KDM8: variants seen among roughly 807,000 people sequenced by gnomAD.
KDM8 encodes lysine demethylase 8.
A neutral mutation model predicts 46.9 loss-of-function variants in KDM8; 35 were observed. The observed-to-expected ratio is 0.75, with a 90% confidence interval of 0.57 to 0.99. KDM8 has a LOEUF of 0.99. Ranked by LOEUF, KDM8 falls within the 50% of genes least tolerant of loss-of-function variation. KDM8 has a pLI of 0.00. For synonymous variants in KDM8, 232 were observed against 227.7 expected (o/e 1.02, Z -0.17); for missense variants, 475 against 537.0 (o/e 0.88, Z 1.14).
chr16:27,221,033 G>A lies in KDM8; in HGVS notation c.*303G>A, dbSNP rs147169297. 1,504 of 434,756 alleles carry A rather than the reference G, an allele frequency of 3.5e-3. 4 individuals carry two copies. Among genetic ancestry groups the A allele is most frequent in the Middle Eastern group, 7.1e-3 (10 of 1,416 alleles). 26.9% of individuals were successfully genotyped at this position (434,756 alleles called of 1,614,324 possible). On this transcript the variant is annotated 3_prime_UTR_variant, in exon 8 of 8. Coordinates refer to ENST00000286096, the MANE Select transcript of KDM8 (RefSeq NM_024773.3). Reference sequence around the variant, plus strand: ...TGGCATCAGAAAGCCGAATGTTTTTGGGAAACGGGTGGGTCACACAGGCAG... The same window carrying A: ...TGGCATCAGAAAGCCGAATGTTTTTAGGAAACGGGTGGGTCACACAGGCAG...
intron 1 of KDM8, among the ~76,000 whole-genome samples, chr16:27,205,043 T>G (rs2083414379): frequency 6.6e-6 from 1 of 151,798 alleles, no homozygotes; most frequent in Non-Finnish European, 1.5e-5. Flanking sequence ...ATAATAAAAA[T>G]AATTTGAGAG....
At position 27,210,429 on chromosome 16, in the gene KDM8, A is replaced by G; in HGVS notation, c.306A>G (p.Lys102=). The G allele has an allele frequency of 6.2e-7, 1 of 1,605,770 alleles. No homozygotes were observed. Among genetic ancestry groups the G allele is most frequent in the South Asian group, 1.1e-5 (1 of 90,772 alleles). ...RRVYAIGCLL[K]ALCLCQAPED... Reference sequence around the variant, plus strand: ...TCTACGCCATCGGCTGCCTCCTGAAAGCCCTGTGTCTGTGCCAGGCACCTG... The same window carrying G: ...TCTACGCCATCGGCTGCCTCCTGAAGGCCCTGTGTCTGTGCCAGGCACCTG... Residue 102 remains lysine (K), a synonymous_variant, in exon 2 of 8, where the codon AAA becomes AAG. Transcript: ENST00000286096.
At chr16:27,218,553 C>T (rs970971707) in intron 5 of KDM8, among the ~76,000 whole-genome samples, 10 of 152,146 alleles carry the variant, frequency 6.6e-5, no homozygotes, top group South Asian at 4.1e-4. Context: ...AAAACTAGGA[C>T]GGCAAGGGCC....
chr16:27,210,483 G>A lies in KDM8; in HGVS notation c.360G>A (p.Leu120=), dbSNP rs755032737. 2.5e-6 allele frequency: 4 copies of A among 1,580,144 alleles called. No homozygotes were observed. The highest frequency in any genetic ancestry group is 2.6e-6 in the Non-Finnish European group (3 of 1,159,036). ...ATGCCAACACTGTGGCCGCAGCCCT[G>A]CGGGTCTGTGACATGGGCCTGCTGA... ...PEDANTVAAA[L]RVCDMGLLMG... is the part of the protein sequence containing the mutation. Residue 120 remains leucine (L), a synonymous_variant, in exon 2 of 8, where the codon CTG becomes CTA. Coordinates refer to ENST00000286096, the MANE Select transcript of KDM8 (RefSeq NM_024773.3).
chr16:27,207,438 T>A (rs2083439339), intron 1 of KDM8, among the ~76,000 whole-genome samples: 1 of 152,172 alleles, frequency 6.6e-6, no homozygotes. Flanking sequence ...CTGCTTCCTA[T>A]ACCAGGATGT....
intron 5 of KDM8, among the ~76,000 whole-genome samples, chr16:27,217,339 C>G (rs190217235): frequency 3.5e-4 from 53 of 152,322 alleles, no homozygotes; most frequent in Non-Finnish European, 6.6e-4. Flanking sequence ...CACTGATTCC[C>G]TTCGGGTCTC....
chr16:27,209,988 C>A, intron 1 of KDM8, 105 bp from the exon 2 acceptor site: 1 of 1,192,672 alleles, frequency 8.4e-7, no homozygotes, highest in Non-Finnish European at 1.2e-6. Flanking sequence ...ACAGAGAAGA[C>A]TGCTGTTGAA....
intron 1 of KDM8, among the ~76,000 whole-genome samples, chr16:27,205,522 C>T (rs968122098): frequency 2.0e-5 from 3 of 152,066 alleles, no homozygotes; most frequent in Admixed American, 6.6e-5. Context: ...TATACCTGAC[C>T]GCCCCCCTCC....
intron 5 of KDM8, among the ~76,000 whole-genome samples, 199 bp from the exon 6 acceptor site, chr16:27,218,762 A>G (rs1173103519): frequency 6.6e-6 from 1 of 152,110 alleles, no homozygotes; most frequent in Non-Finnish European, 1.5e-5. Flanking sequence ...TGGGGGGATC[A>G]CTTGAGCCCA....
chr16:27,212,322 G>A (rs2083493640), intron 2 of KDM8, among the ~76,000 whole-genome samples: 4 of 152,228 alleles, frequency 2.6e-5, no homozygotes, highest in Non-Finnish European at 5.9e-5. Flanking sequence ...ATGATACCCG[G>A]TGTTGCCAAG....
chr16:27,216,848 C>T (rs971272135), intron 5 of KDM8, among the ~76,000 whole-genome samples: 2 of 151,994 alleles, frequency 1.3e-5, no homozygotes, highest in Non-Finnish European at 2.9e-5. Flanking sequence ...CCGAGACCCA[C>T]CTTTCTCCTG....
rs2083471860 is a variant in KDM8, at chr16:27,210,487, G to T, written c.364G>T (p.Val122Phe). The change falls in exon 2 of 8, where the codon GTC (valine) becomes TTC (phenylalanine). Residue 122 changes from valine (V) to phenylalanine (F), a missense_variant. Val to Phe is a conservative substitution (Grantham distance 50). Transcript: ENST00000286096. ...CAACACTGTGGCCGCAGCCCTGCGG[G>T]TCTGTGACATGGGCCTGCTGATGGG... Reference protein sequence around the residue: ...DANTVAAALRVCDMGLLMGAA... With the variant: ...DANTVAAALRFCDMGLLMGAA... 2 of 1,577,312 alleles carry T rather than the reference G, an allele frequency of 1.3e-6. No individual in the cohort carries two copies. The highest frequency in any genetic ancestry group is 1.7e-6 in the Non-Finnish European group (2 of 1,157,580).
Position 27,213,653 on chromosome 16 carries a change from T to A in KDM8, c.567T>A (p.Arg189=). ...AAAAAACAGTCCCCCGGCTGCACCG[T>A]CCGTCCCTCCAGCATTTCAGGGAGC... The part of the protein sequence containing the change: ...KLEKTVPRLH[R]PSLQHFREQF... The change falls in exon 3 of 8, where the codon CGT becomes CGA. Residue 189 remains arginine, a synonymous_variant. Coordinates refer to ENST00000286096, the MANE Select transcript of KDM8 (RefSeq NM_024773.3). The A allele has an allele frequency of 2.5e-6, 4 of 1,614,218 alleles. No homozygotes were observed. Among genetic ancestry groups the A allele is most frequent in the Non-Finnish European group, 3.4e-6 (4 of 1,180,028 alleles).
intron 2 of KDM8, chr16:27,211,860 T>C (rs558168691): frequency 3.9e-5 from 6 of 152,128 alleles, no homozygotes; most frequent in African/African-American, 1.4e-4. Context: ...GTATTTTTAA[T>C]AGAGACAGGG....
intron 5 of KDM8, among the ~76,000 whole-genome samples, chr16:27,216,521 G>A (rs1017331233): frequency 1.3e-5 from 2 of 152,212 alleles, no homozygotes; most frequent in Non-Finnish European, 2.9e-5. Flanking sequence ...GAACGTGGAA[G>A]ACTCGAGTCA....
At chr16:27,207,030 A>C (rs1328759005) in intron 1 of KDM8, among the ~76,000 whole-genome samples, 38 of 152,274 alleles carry the variant, frequency 2.5e-4, no homozygotes, top group Admixed American at 2.5e-3. Flanking sequence ...AAGAAACCAC[A>C]GATCGATTTG....
intron 1 of KDM8, chr16:27,206,379 T>G (rs1270215416): frequency 5.7e-6 from 1 of 174,378 alleles, no homozygotes; most frequent in East Asian, 1.9e-4. Context: ...TTCAAGCAAT[T>G]CTCCTACCTC....
chr16:27,215,916 G>A, intron 4 of KDM8, 29 bp from the exon 5 acceptor site: 1 of 1,613,846 alleles, frequency 6.2e-7, no homozygotes, highest in Non-Finnish European at 8.5e-7. Flanking sequence ...GGCTTTCTGT[G>A]TTGCCTCTGG....
At chr16:27,217,684 G>A (rs747503451) in intron 5 of KDM8, among the ~76,000 whole-genome samples, 1 of 152,210 alleles carries the variant, frequency 6.6e-6, no homozygotes, top group Non-Finnish European at 1.5e-5. Context: ...GGTACACACT[G>A]GTTTCTGAGC....
Sources: gnomAD v4.1 joint callset for allele counts (sites outside exome capture counted in the v4.1 genomes callset) on GRCh38, gnomAD v4.1.1 for gene constraint, MANE v1.5 for transcripts, NCBI Gene and HGNC (gene_info 2026-07-23, HGNC 2026-07-21) for gene names.